ANKMY2: variants seen among roughly 807,000 people sequenced by gnomAD.
ANKMY2 encodes the protein ankyrin repeat and MYND domain containing 2, also known as ankyrin repeat and MYND domain-containing protein 2.
Under a neutral mutation model 50.4 loss-of-function variants are expected in ANKMY2, and 36 were observed. That is an observed-to-expected ratio of 0.71 (90% confidence interval 0.55 to 0.94). ANKMY2 has a LOEUF of 0.94. ANKMY2 is among the 40% of genes least tolerant of loss of function. The probability of loss-of-function intolerance (pLI) is 0.00; values close to 1 mark genes in which losing one functional copy is unlikely to be tolerated. For synonymous variants in ANKMY2, 187 were observed against 178.8 expected (o/e 1.05, Z -0.36); for missense variants, 565 against 524.0 (o/e 1.08, Z -0.76).
Position 16,636,437 on chromosome 7 carries a change from C to A in ANKMY2, c.86G>T (p.Gly29Val). Residue 29 changes from glycine (G) to valine (V), a missense_variant, in exon 2 of 10, where the codon GGA becomes GTA. Coordinates refer to ENST00000306999, the MANE Select transcript of ANKMY2 (RefSeq NM_020319.3). Reference sequence around the variant, plus strand: ...AACATTCTTGCTGGATAATAATGTTCCAGCTTCTTGGACAGTACCTAAAAA... The same window carrying A: ...AACATTCTTGCTGGATAATAATGTTACAGCTTCTTGGACAGTACCTAAAAA... ...VIGKGTVQEA[G>V]TLLSSKNVRV... 1 of 1,594,308 alleles carries A rather than the reference C, an allele frequency of 6.3e-7. No homozygotes were observed. Among genetic ancestry groups the A allele is most frequent in the South Asian group, 1.1e-5 (1 of 88,378 alleles).
intron 2 of ANKMY2, among the ~76,000 whole-genome samples, chr7:16,630,919 T>C (rs1781573540): frequency 6.6e-6 from 1 of 152,160 alleles, no homozygotes; most frequent in Non-Finnish European, 1.5e-5. Context: ...TGCAAAAAAC[T>C]TTGTGCTGTG....
At chr7:16,617,917 G>GTT (rs780533044) in intron 4 of ANKMY2, among the ~76,000 whole-genome samples, 4,918 of 109,974 alleles carry the variant, frequency 0.045, 205 homozygotes, top group African/African-American at 0.11. Flanking sequence ...CAGTGAGCGT[G>GTT]TTTTTTTTTT....
chr7:16,601,674 G>A (rs1781065573), intron 9 of ANKMY2, among the ~76,000 whole-genome samples: 2 of 152,276 alleles, frequency 1.3e-5, no homozygotes, highest in South Asian at 2.1e-4. Flanking sequence ...AGAAATGCCT[G>A]GTATCAGAAT....
intron 7 of ANKMY2, among the ~76,000 whole-genome samples, chr7:16,605,675 T>TTTTTG (rs1562765945): frequency 1.2e-5 from 1 of 84,546 alleles, no homozygotes. Flanking sequence ...TTTTTTGTAC[T>TTTTTG]TTTTTTTTTT....
At chr7:16,601,896 T>C (rs887030081) in intron 9 of ANKMY2, among the ~76,000 whole-genome samples, 4 of 152,208 alleles carry the variant, frequency 2.6e-5, no homozygotes, top group Non-Finnish European at 5.9e-5. Flanking sequence ...TTGTAGAAAT[T>C]TGATCTGTAT....
chr7:16,602,560 T>C (rs1562764545), intron 8 of ANKMY2, 51 bp from the exon 9 acceptor site: 8 of 1,580,160 alleles, frequency 5.1e-6, no homozygotes, highest in Non-Finnish European at 6.9e-6. Flanking sequence ...GGTTGTATGA[T>C]TTCCTAACTA....
intron 2 of ANKMY2, among the ~76,000 whole-genome samples, chr7:16,633,113 T>C (rs1781611268): frequency 6.6e-6 from 1 of 152,122 alleles, no homozygotes; most frequent in Non-Finnish European, 1.5e-5. Flanking sequence ...TGTTTTATTA[T>C]TGAGTTGTAG....
chr7:16,622,213 T>TC (rs1562773659), intron 4 of ANKMY2, among the ~76,000 whole-genome samples: 1 of 151,314 alleles, frequency 6.6e-6, no homozygotes, highest in Non-Finnish European at 1.5e-5. Context: ...ACAAAGGGCA[T>TC]CCCCCCACAA....
In ANKMY2 at chr7:16,610,316, C is replaced by T. The variant is rs192024308; in HGVS notation, c.746+233G>A. On this transcript the variant is annotated intron_variant, in intron 6 of 9. Coordinates refer to ENST00000306999, the MANE Select transcript of ANKMY2 (RefSeq NM_020319.3). ...ATTTAACCTCTCCAAACCTCAGATT[C>T]CTCATCTGTAAATTGCTGGTAACAA... is the stretch of plus-strand genomic sequence containing the variant. Among the ~76,000 whole-genome samples the T allele has an allele frequency of 2.7e-3, 408 of 152,262 alleles. 4 individuals carry two copies. Among genetic ancestry groups the T allele is most frequent in the African/African-American group, 9.3e-3 (386 of 41,542 alleles).
intron 2 of ANKMY2, among the ~76,000 whole-genome samples, chr7:16,630,357 G>A (rs1781565393): frequency 6.6e-6 from 1 of 152,152 alleles, no homozygotes; most frequent in Non-Finnish European, 1.5e-5. Context: ...TAGACTCAAT[G>A]ATATGCAAGA....
Position 16,643,537 on chromosome 7 carries a change from A to G in ANKMY2, c.67+1970T>C, listed in dbSNP as rs539280340. On this transcript the variant is annotated intron_variant, in intron 1 of 9. Coordinates refer to ENST00000306999, the MANE Select transcript of ANKMY2 (RefSeq NM_020319.3). ...AAGCGATGAAAGCATCAGTGCACTC[A>G]TGCAACTTGATGCACCGTGTGAGCC... Among the ~76,000 whole-genome samples, 8 of 152,210 alleles carry G rather than the reference A, an allele frequency of 5.3e-5. No individual in the cohort carries two copies. In the East Asian group the frequency reaches 1.5e-3, roughly 29 times the overall value.
At position 16,637,654 on chromosome 7, in the gene ANKMY2, G is replaced by A. The variant is rs571560631; in HGVS notation, c.68-1199C>T. Among the ~76,000 whole-genome samples the A allele has an allele frequency of 6.6e-5, 10 of 152,250 alleles. No individual in the cohort carries two copies. In the East Asian group the frequency reaches 9.6e-4, roughly 15 times the overall value. ...AAAGCTCTTGTGTGTGTGAGCATGC[G>A]AGCCAGTTCTACATGAAACCTTATT... On this transcript the variant is annotated intron_variant, in intron 1 of 9. Transcript: ENST00000306999.
chr7:16,627,555 T>C (rs1415714430), intron 2 of ANKMY2, among the ~76,000 whole-genome samples: 2 of 152,204 alleles, frequency 1.3e-5, no homozygotes, highest in African/African-American at 4.8e-5. Flanking sequence ...ATAATGCCTC[T>C]CAAGGGGAAA....
At chr7:16,644,563 G>T (rs1485620684) in intron 1 of ANKMY2, 2 of 364,772 alleles carry the variant, frequency 5.5e-6, no homozygotes, top group African/African-American at 4.4e-5. Flanking sequence ...TGCCATTCGA[G>T]GACAAACATG....
chr7:16,637,377 A>C (rs1280680760), intron 1 of ANKMY2, among the ~76,000 whole-genome samples: 1 of 152,226 alleles, frequency 6.6e-6, no homozygotes, highest in Admixed American at 6.5e-5. Context: ...GAAATGCAAA[A>C]TAAAGATTAG....
At chr7:16,624,407 C>T (rs750846635) in intron 4 of ANKMY2, among the ~76,000 whole-genome samples, 7 of 152,120 alleles carry the variant, frequency 4.6e-5, no homozygotes, top group Non-Finnish European at 8.8e-5. Flanking sequence ...ACAAAATAAA[C>T]GTCTGTGGTT....
chr7:16,630,527 A>G (rs1298851900), intron 2 of ANKMY2, among the ~76,000 whole-genome samples: 1 of 152,210 alleles, frequency 6.6e-6, no homozygotes, highest in Non-Finnish European at 1.5e-5. Context: ...ATCAATCAAC[A>G]TTAGGTTATT....
intron 5 of ANKMY2, among the ~76,000 whole-genome samples, chr7:16,612,593 T>G (rs1273697593): frequency 6.6e-6 from 1 of 152,188 alleles, no homozygotes; most frequent in East Asian, 1.9e-4. Context: ...CTATAGAATC[T>G]TAAACTTACA....
chr7:16,604,625 A>G lies in ANKMY2; in HGVS notation c.1011+96T>C, dbSNP rs541502353. The G allele has an allele frequency of 1.0e-5, 15 of 1,456,404 alleles. No homozygotes were observed. In the Admixed American group the frequency reaches 2.5e-4, roughly 24 times the overall value. The allele number at this position is 1,456,404 out of a possible 1,614,324, so 90.2% of individuals were successfully genotyped here. On this transcript the variant is annotated intron_variant, in intron 8 of 9. Coordinates refer to ENST00000306999, the MANE Select transcript of ANKMY2 (RefSeq NM_020319.3). The stretch of plus-strand genomic sequence containing the variant: ...TTTTCGTTACTAGAATTTATTAGAA[A>G]ACTAATGTCCACTCTTACAGAATAT...
Sources: allele counts gnomAD v4.1 joint callset (sites outside exome capture counted in the v4.1 genomes callset), GRCh38; gene constraint gnomAD v4.1.1; transcripts MANE v1.5; gene names NCBI Gene and HGNC (gene_info 2026-07-23, HGNC 2026-07-21).